MARK4: variants seen among roughly 807,000 people sequenced by gnomAD.
MARK4 encodes microtubule affinity regulating kinase 4.
In MARK4, 19 loss-of-function variants were observed where a neutral mutation model predicts 81.5. That is an observed-to-expected ratio of 0.23 (90% CI 0.16 to 0.34). The LOEUF is 0.34. Among genes scored for constraint, MARK4 ranks in the 10% least tolerant of loss-of-function variants. MARK4 has a pLI of 1.00. For missense variants in MARK4, 772 were observed against 1,058.8 expected (o/e 0.73, Z 3.76); for synonymous variants, 436 against 439.0 (o/e 0.99, Z 0.08).
At chr19:45,296,101 G>A (rs1481866079) in intron 14 of MARK4, among the ~76,000 whole-genome samples, 1 of 152,122 alleles carries the variant, frequency 6.6e-6, no homozygotes, top group East Asian at 1.9e-4. Flanking sequence ...CAGCTGGTAA[G>A]TCAAGAAGCA....
rs774468821 is a variant in MARK4 at position 45,259,056 on chromosome 19, C to T, written c.119C>T (p.Ala40Val). 6.2e-7 allele frequency: 1 copy of T among 1,614,004 alleles called. No individual in the cohort carries two copies. The highest frequency in any genetic ancestry group is 1.7e-5 in the Admixed American group (1 of 60,008). Residue 40 changes from alanine to valine, a missense_variant, in exon 2 of 17, where the codon GCC (alanine) becomes GTC (valine). Physicochemically the swap from Ala to Val is moderately conservative, Grantham distance 64. Transcript: ENST00000262891. ...TCCTGGTCCAGCCGCTCACTGGGTG[C>T]CCGTTGCCGGAACTCCATCGCCTCC... ...GPSWSSRSLGARCRNSIASCP... is the reference protein window; with the variant it reads ...GPSWSSRSLGVRCRNSIASCP...
intron 12 of MARK4, 151 bp from the exon 13 acceptor site, chr19:45,287,296 G>T (rs1013296583): frequency 4.1e-6 from 2 of 492,456 alleles, no homozygotes; most frequent in East Asian, 6.5e-5. Context: ...ATGTGCGTTG[G>T]TAATCTTGAG....
rs11308460 is a variant in MARK4, at chr19:45,261,933, CAA to C, written c.253-1168_253-1167del. On this transcript the variant is annotated intron_variant, in intron 2 of 16. Transcript: ENST00000262891. ...GAGCAACAAGAGGGAAACTCTGTCT[CAA>C]AAAAAAAAAAAGTTTCACTGCAAAA... Among the ~76,000 whole-genome samples, 24 of 140,426 alleles carry C rather than the reference CAA, an allele frequency of 1.7e-4. 1 individual carries two copies. Among genetic ancestry groups the C allele is most frequent in the African/African-American group, 2.1e-4 (8 of 37,494 alleles). The allele number at this position is 140,426 out of a possible 152,430, so 92.1% of individuals were successfully genotyped here.
intron 12 of MARK4, among the ~76,000 whole-genome samples, chr19:45,284,139 C>G (rs1172613709): frequency 1.3e-5 from 2 of 151,188 alleles, no homozygotes; most frequent in Non-Finnish European, 3.0e-5. Flanking sequence ...TGCCTCAGGC[C>G]CCCGAGCTGG....
chr19:45,263,705 G>A (rs1407297407), intron 4 of MARK4, among the ~76,000 whole-genome samples: 1 of 148,606 alleles, frequency 6.7e-6, no homozygotes, highest in Non-Finnish European at 1.5e-5. Flanking sequence ...TCGCACCACT[G>A]CACCCCAGCC....
intron 6 of MARK4, 132 bp downstream of exon 6, chr19:45,265,042 G>C: frequency 1.2e-6 from 1 of 839,632 alleles, no homozygotes. Context: ...TGAAGGTGCA[G>C]AGCTGGGTGT....
intron 14 of MARK4, among the ~76,000 whole-genome samples, chr19:45,294,841 A>G (rs2123104700): frequency 6.6e-6 from 1 of 152,248 alleles, no homozygotes. Flanking sequence ...GAGGGAAACC[A>G]GTTCAGACTG....
Position 45,255,613 on chromosome 19 carries a change from G to A in MARK4, c.52-3376G>A, listed in dbSNP as rs114650448. ...GGTGGAAACTGTTTGGGTTCAGATC[G>A]TGGGTCCGGGTCTCACTTTCCCCAC... On this transcript the variant is annotated intron_variant, in intron 1 of 16. Coordinates refer to ENST00000262891, the MANE Select transcript of MARK4 (RefSeq NM_001199867.2). 6.8e-3 allele frequency among the ~76,000 whole-genome samples: 1,028 copies of A among 151,230 alleles called. 17 individuals carry two copies. The highest frequency in any genetic ancestry group is 0.024 in the African/African-American group (966 of 41,086).
intron 2 of MARK4, among the ~76,000 whole-genome samples, chr19:45,259,720 A>G (rs1445197437): frequency 6.6e-6 from 1 of 152,100 alleles, no homozygotes; most frequent in Non-Finnish European, 1.5e-5. Context: ...GGCTGCGGTG[A>G]GGTGTGACCT....
chr19:45,279,271 C>G (rs1312917487), intron 10 of MARK4, among the ~76,000 whole-genome samples: 2 of 152,058 alleles, frequency 1.3e-5, no homozygotes. Flanking sequence ...AATCTGAGCA[C>G]TTTGGGAGGC....
chr19:45,277,613 G>T (rs1479447663), intron 8 of MARK4, among the ~76,000 whole-genome samples: 2 of 151,766 alleles, frequency 1.3e-5, no homozygotes, highest in Non-Finnish European at 2.9e-5. Context: ...TGCCCAGGCT[G>T]TTCTTGAACT....
At chr19:45,255,835 G>A (rs1453285668) in intron 1 of MARK4, among the ~76,000 whole-genome samples, 2 of 152,206 alleles carry the variant, frequency 1.3e-5, no homozygotes, top group African/African-American at 4.8e-5. Context: ...AGCCGGAAGG[G>A]CACAGGCAGA....
intron 7 of MARK4, among the ~76,000 whole-genome samples, chr19:45,269,441 G>A (rs984211723): frequency 6.6e-6 from 1 of 152,162 alleles, no homozygotes; most frequent in African/African-American, 2.4e-5. Flanking sequence ...TTCAGGTTTA[G>A]GGAGGAGCTC....
intron 1 of MARK4, chr19:45,258,753 T>C: frequency 1.9e-6 from 1 of 530,992 alleles, no homozygotes; most frequent in East Asian, 3.3e-5. Flanking sequence ...CAGTGAGGGT[T>C]GAAGAAGGGG....
chr19:45,252,162 C>T (rs1463673133), intron 1 of MARK4, among the ~76,000 whole-genome samples: 1 of 151,962 alleles, frequency 6.6e-6, no homozygotes, highest in African/African-American at 2.4e-5. Flanking sequence ...CCCTCCAGGA[C>T]GCACCCAGGG....
intron 1 of MARK4, among the ~76,000 whole-genome samples, chr19:45,258,086 A>G (rs1046004932): frequency 2.1e-5 from 3 of 145,378 alleles, no homozygotes; most frequent in Admixed American, 1.4e-4. Context: ...CCCAGGTTCA[A>G]GTGATTCTCC....
Position 45,297,860 on chromosome 19 carries a change from C to T in MARK4, c.1783C>T (p.Pro595Ser), listed in dbSNP as rs1487849062. 1 of 1,549,426 alleles carries T rather than the reference C, an allele frequency of 6.5e-7. No homozygotes were observed. The highest frequency in any genetic ancestry group is 8.7e-7 in the Non-Finnish European group (1 of 1,146,764). Reference sequence around the variant, plus strand: ...TGTGCAGAATGGGCCCCCTGCCTCTCCCACACTGGCCCATGAGGCTGCACC... The same window carrying T: ...TGTGCAGAATGGGCCCCCTGCCTCTTCCACACTGGCCCATGAGGCTGCACC... Reference protein sequence around the residue: ...GGVQNGPPASPTLAHEAAPLP... With the variant: ...GGVQNGPPASSTLAHEAAPLP... Residue 595 changes from proline (P) to serine (S), a missense_variant, in exon 15 of 17, where the codon CCC (proline) becomes TCC (serine). Physicochemically the swap from Pro to Ser is moderately conservative, Grantham distance 74. This residue lies in a region of MARK4 where 548 missense variants were observed against 624.3 expected (regional missense o/e 0.88). Transcript: ENST00000262891.
chr19:45,260,915 C>T (rs1369727103), intron 2 of MARK4, among the ~76,000 whole-genome samples: 1 of 152,046 alleles, frequency 6.6e-6, no homozygotes. Flanking sequence ...AGTATGGTGA[C>T]ATTATTGCAA....
intron 15 of MARK4, chr19:45,298,293 G>A (rs1742722248): frequency 2.7e-6 from 4 of 1,501,060 alleles, no homozygotes; most frequent in Admixed American, 3.4e-5. Context: ...GTGTGTGCGG[G>A]CATTGGGAGG....
Sources: gnomAD v4.1 joint callset for allele counts (sites outside exome capture counted in the v4.1 genomes callset) on GRCh38, gnomAD v4.1.1 for gene constraint, gnomAD v4.1.1 regional missense constraint, MANE v1.5 for transcripts, NCBI Gene and HGNC (gene_info 2026-07-23, HGNC 2026-07-21) for gene names.